The following REXO1 variants were observed in gnomAD, a reference collection of about 807,000 sequenced individuals.
REXO1 encodes the protein RNA exonuclease 1 homolog.
In REXO1, 42 loss-of-function variants were observed where a neutral mutation model predicts 102.6. The observed-to-expected ratio is 0.41, with a 90% CI of 0.32 to 0.53. The LOEUF is 0.53. Ranked by LOEUF, REXO1 falls within the 20% of genes least tolerant of loss-of-function variation. REXO1 has a pLI of 0.27. For missense variants in REXO1, 1,819 were observed against 1,732.5 expected (o/e 1.05, Z -0.89); for synonymous variants, 908 against 779.1 (o/e 1.17, Z -2.76).
chr19:1,828,449 C>T lies in REXO1; in HGVS notation c.340G>A (p.Glu114Lys), dbSNP rs1293016846. The T allele has an allele frequency of 2.5e-6, 4 of 1,608,546 alleles. No individual in the cohort carries two copies. The highest frequency in any genetic ancestry group is 1.7e-5 in the Admixed American group (1 of 59,946). ...GCGGAGCGGTGCTCACGGGTCGTCT[C>T]CAGCAGCTCCCGGTAGCGCCGCTGC... Reference protein sequence around the residue: ...LEQRRYRELLETTREHRSAEA... With the variant: ...LEQRRYRELLKTTREHRSAEA... Residue 114 changes from glutamate (E) to lysine (K), a missense_variant, in exon 2 of 16, where the codon GAG (glutamate) becomes AAG (lysine). By Grantham distance (56) the Glu-to-Lys change is moderately conservative. Coordinates refer to ENST00000170168, the MANE Select transcript of REXO1 (RefSeq NM_020695.4).
intron 8 of REXO1, 27 bp from the exon 9 acceptor site, chr19:1,818,870 C>G: frequency 6.2e-7 from 1 of 1,606,990 alleles, no homozygotes; most frequent in Admixed American, 1.7e-5. Context: ...TGGTCAGCCC[C>G]TGCCTGGGAT....
intron 1 of REXO1, among the ~76,000 whole-genome samples, chr19:1,840,925 C>T (rs1044755825): frequency 1.3e-5 from 2 of 152,240 alleles, no homozygotes; most frequent in African/African-American, 4.8e-5. Context: ...GAGTCCTCCC[C>T]CAACCACTCC....
chr19:1,823,227 C>G (rs2069602241), intron 4 of REXO1: 1 of 295,112 alleles, frequency 3.4e-6, no homozygotes. Context: ...AAAGCCACAC[C>G]TGCAGAAGCC....
In REXO1 at chr19:1,816,571, TGGGGGAAC is replaced by T. The variant is rs2145227519; in HGVS notation, c.3318-10_3318-3del. The T allele has an allele frequency of 2.4e-6, 3 of 1,254,240 alleles. No homozygotes were observed. In the East Asian group the frequency reaches 1.6e-4, roughly 68 times the overall value. 77.7% of individuals were successfully genotyped at this position (1,254,240 alleles called of 1,614,324 possible). On this transcript the variant is annotated splice_region_variant and splice_polypyrimidine_tract_variant and intron_variant, in intron 13 of 15. Transcript: ENST00000170168. ...TCAGCCTCCGTCACCCCCGAAAACC[TGGGGGAAC>T]GGGCAGGAGGGGCACCAGGGCTCAG...
chr19:1,832,339 T>G (rs1438079186), intron 1 of REXO1, among the ~76,000 whole-genome samples: 1 of 152,170 alleles, frequency 6.6e-6, no homozygotes, highest in East Asian at 1.9e-4. Context: ...GTGTGCTGCT[T>G]TAAGGCCCAC....
In REXO1 at chr19:1,815,960, C is replaced by T. The variant is rs778802321; in HGVS notation, c.*106G>A. The T allele has an allele frequency of 8.5e-6, 13 of 1,535,376 alleles. No individual in the cohort carries two copies. Among genetic ancestry groups the T allele is most frequent in the East Asian group, 2.4e-5 (1 of 40,890 alleles). On this transcript the variant is annotated 3_prime_UTR_variant, in exon 16 of 16. Coordinates refer to ENST00000170168, the MANE Select transcript of REXO1 (RefSeq NM_020695.4). This position sits in a 1 kb window ranked among gnomAD's most constrained non-coding sequence, Gnocchi z 4.0. ...CTCATCCCGCTGCTCTGGGCTGCCT[C>T]GGCCAGGTGGACGGGTTACCGGAGA...
chr19:1,832,784 C>G (rs1396511317), intron 1 of REXO1, among the ~76,000 whole-genome samples: 4 of 151,896 alleles, frequency 2.6e-5, no homozygotes, highest in Non-Finnish European at 5.9e-5. Flanking sequence ...GGCATGGGGG[C>G]GTGCACCTGT....
At chr19:1,835,569 C>A (rs115433429) in intron 1 of REXO1, among the ~76,000 whole-genome samples, 1 of 151,772 alleles carries the variant, frequency 6.6e-6, no homozygotes, top group African/African-American at 2.4e-5. Context: ...CATACATACA[C>A]ACACACATAC....
chr19:1,817,129 G>A, intron 12 of REXO1, 90 bp downstream of exon 12: 1 of 1,482,870 alleles, frequency 6.7e-7, no homozygotes, highest in Admixed American at 2.1e-5. Context: ...TGGCCGGTGA[G>A]CCAGGCCCAG....
chr19:1,843,469 C>T (rs1249079456), intron 1 of REXO1, among the ~76,000 whole-genome samples: 2 of 152,202 alleles, frequency 1.3e-5, no homozygotes, highest in Non-Finnish European at 2.9e-5. Context: ...CAACATCCTA[C>T]AACGCAAAGG....
Position 1,848,193 on chromosome 19 carries a change from G to C in REXO1, c.157+9C>G. The C allele has an allele frequency of 5.8e-6, 7 of 1,203,236 alleles. No individual in the cohort carries two copies. The highest frequency in any genetic ancestry group is 7.3e-6 in the Non-Finnish European group (7 of 962,264). 74.5% of individuals were successfully genotyped at this position (1,203,236 alleles called of 1,614,324 possible). A position where few individuals can be genotyped will look rare whatever the true frequency, so the allele number is the denominator to read the frequency against. On this transcript the variant is annotated intron_variant, in intron 1 of 15. Transcript: ENST00000170168. ...CCGAGCCCAAGGCAAGCAGGCGGGC[G>C]GGCATTACCTGCTGCGGGGGGCGCC...
In REXO1 at chr19:1,816,038, G is replaced by A. The variant is rs2069351026; in HGVS notation, c.*28C>T. On this transcript the variant is annotated 3_prime_UTR_variant, in exon 16 of 16. Transcript: ENST00000170168. ...GGGGCTAAGGACCAGCGGGACGGCA[G>A]GAGAGGCGGGTGGGAGGCGGGCAGG... 1.9e-6 allele frequency: 3 copies of A among 1,540,296 alleles called. No homozygotes were observed. The highest frequency in any genetic ancestry group is 1.4e-5 in the African/African-American group (1 of 73,018).
In REXO1 at chr19:1,819,430, G is replaced by A. The variant is rs543562285; in HGVS notation, c.2651-299C>T. Among the ~76,000 whole-genome samples the A allele has an allele frequency of 8.1e-4, 122 of 151,020 alleles. No individual in the cohort carries two copies. In the South Asian group the frequency reaches 8.1e-3, roughly 10 times the overall value. On this transcript the variant is annotated intron_variant, in intron 7 of 15. Coordinates refer to ENST00000170168, the MANE Select transcript of REXO1 (RefSeq NM_020695.4). The stretch of plus-strand genomic sequence containing the variant: ...GGGGGAAGGGCGGGGAGAACAGCAC[G>A]GGGGATCTAATGGCTTTCGAGGGCT...
chr19:1,818,339 C>T, intron 10 of REXO1, 143 bp downstream of exon 10: 2 of 637,414 alleles, frequency 3.1e-6, no homozygotes, highest in South Asian at 3.9e-5. Flanking sequence ...AGCCCCGGCT[C>T]TGCCAAAGAC....
At chr19:1,818,098 C>G (rs1020728364) in intron 10 of REXO1, among the ~76,000 whole-genome samples, 1 of 152,144 alleles carries the variant, frequency 6.6e-6, no homozygotes, top group Non-Finnish European at 1.5e-5. Context: ...GGCCATGTGC[C>G]CTGAGCGTGG....
Position 1,815,313 on chromosome 19 carries a change from C to G in REXO1, c.*753G>C. 6.5e-6 allele frequency: 1 copy of G among 154,042 alleles called. No homozygotes were observed. The allele number at this position is 154,042 out of a possible 1,614,324, so 9.5% of individuals were successfully genotyped here. A position where few individuals can be genotyped will look rare whatever the true frequency, so the allele number is the denominator to read the frequency against. On this transcript the variant is annotated 3_prime_UTR_variant, in exon 16 of 16. Transcript: ENST00000170168. This position sits in a 1 kb window ranked among gnomAD's most constrained non-coding sequence, Gnocchi z 4.0. ...TGAGGGGGAAGGGGGTCCGGAGAGCCCCGCAGAGGAGGACGGGGCTCTAGC... is the reference window on the plus strand; with the variant it reads ...TGAGGGGGAAGGGGGTCCGGAGAGCGCCGCAGAGGAGGACGGGGCTCTAGC...
chr19:1,829,646 T>C (rs574186725), intron 1 of REXO1, among the ~76,000 whole-genome samples: 4 of 151,896 alleles, frequency 2.6e-5, no homozygotes, highest in South Asian at 2.1e-4. Flanking sequence ...CCGTCTCTAC[T>C]AAAAATACAA....
At position 1,835,616 on chromosome 19, in the gene REXO1, G is replaced by A. The variant is rs915782779; in HGVS notation, c.158-6985C>T. 4.5e-4 allele frequency among the ~76,000 whole-genome samples: 68 copies of A among 152,164 alleles called. 2 individuals carry two copies. The highest frequency in any genetic ancestry group is 1.5e-5 in the Non-Finnish European group (1 of 68,016). On this transcript the variant is annotated intron_variant, in intron 1 of 15. Coordinates refer to ENST00000170168, the MANE Select transcript of REXO1 (RefSeq NM_020695.4). ...CCGACTCTGGAAGTAGGAGGGGCCC[G>A]TCCAGGCCCCGTCCCACGGCTGGGA...
chr19:1,819,903 G>A (rs573699834), intron 7 of REXO1, 31 bp downstream of exon 7: 2 of 1,536,270 alleles, frequency 1.3e-6, no homozygotes, highest in African/African-American at 1.4e-5. Flanking sequence ...GAGCAACCCT[G>A]AGCCTCCCCC....
Sources: gnomAD v4.1 joint callset for allele counts (sites outside exome capture counted in the v4.1 genomes callset) on GRCh38, gnomAD v4.1.1 for gene constraint, Gnocchi (gnomAD v3.1) non-coding constraint, MANE v1.5 for transcripts, NCBI Gene and HGNC (gene_info 2026-07-23, HGNC 2026-07-21) for gene names.